The following ELAVL4 variants were observed in gnomAD, a reference collection of about 807,000 sequenced individuals.
The protein encoded by ELAVL4 is ELAV like RNA binding protein 4, also known as ELAV-like protein 4.
A neutral mutation model predicts 35.6 loss-of-function variants in ELAVL4; 1 was observed. The ratio of observed to expected loss-of-function variants is 0.03; its 90% CI spans 0.01 to 0.13. ELAVL4 has a LOEUF of 0.13. ELAVL4 is among the 10% of genes least tolerant of loss of function. ELAVL4 has a pLI of 1.00. For missense variants in ELAVL4, 267 were observed against 464.9 expected (o/e 0.57, Z 3.91); for synonymous variants, 156 against 171.0 (o/e 0.91, Z 0.69).
At chr1:50,096,457 T>C (rs1304959726) in intron 1 of ELAVL4, among the ~76,000 whole-genome samples, 1 of 150,120 alleles carries the variant, frequency 6.7e-6, no homozygotes, top group Non-Finnish European at 1.5e-5. Context: ...GATGGTCATA[T>C]CTAGAGCTGT....
intron 2 of ELAVL4, among the ~76,000 whole-genome samples, chr1:50,161,349 G>A (rs1179307592): frequency 2.6e-5 from 4 of 151,866 alleles, no homozygotes; most frequent in African/African-American, 7.3e-5. Context: ...ATGTTGCTTC[G>A]ATTAAGAATC....
At chr1:50,053,525 T>G (rs1471940303) in intron 1 of ELAVL4, among the ~76,000 whole-genome samples, 1 of 152,128 alleles carries the variant, frequency 6.6e-6, no homozygotes, top group Non-Finnish European at 1.5e-5. Flanking sequence ...ATTTTTGCAT[T>G]TTTTTGTAGA....
At position 50,201,808 on chromosome 1, in the gene ELAVL4, G is replaced by A. The variant is rs1486174583; in HGVS notation, c.*630G>A. On this transcript the variant is annotated 3_prime_UTR_variant, in exon 7 of 7. Coordinates refer to ENST00000371824, the MANE Select transcript of ELAVL4 (RefSeq NM_001144774.3). This position sits in a 1 kb window ranked among gnomAD's most constrained non-coding sequence, Gnocchi z 4.3. ...TGAACTAAAACAGTCTTCTGTTAGGGGATGGGGGCAAGGGGGATACCTGAT... is the reference window on the plus strand; with the variant it reads ...TGAACTAAAACAGTCTTCTGTTAGGAGATGGGGGCAAGGGGGATACCTGAT... 6.6e-6 allele frequency: 1 copy of A among 151,778 alleles called. No individual in the cohort carries two copies. The highest frequency in any genetic ancestry group is 2.4e-5 in the African/African-American group (1 of 41,356). 9.4% of individuals were successfully genotyped at this position (151,778 alleles called of 1,614,324 possible). A position where few individuals can be genotyped will look rare whatever the true frequency, so the allele number is the denominator to read the frequency against.
upstream of ELAVL4, among the ~76,000 whole-genome samples, chr1:50,107,693 C>T (rs1287074730): frequency 6.6e-6 from 1 of 151,998 alleles, no homozygotes; most frequent in Non-Finnish European, 1.5e-5. Context: ...TATGTGTTAC[C>T]ACTGTGTATT....
intron 1 of ELAVL4, among the ~76,000 whole-genome samples, chr1:50,110,622 G>A (rs562437719): frequency 1.3e-5 from 2 of 152,118 alleles, no homozygotes; most frequent in Non-Finnish European, 2.9e-5. Flanking sequence ...CTTTGACTTT[G>A]AATTTTCACC....
intron 3 of ELAVL4, among the ~76,000 whole-genome samples, chr1:50,186,635 T>C (rs1417705661): frequency 6.6e-6 from 1 of 152,036 alleles, no homozygotes; most frequent in African/African-American, 2.4e-5. Flanking sequence ...GACATAGAAA[T>C]AGAAATTTTC....
intron 1 of ELAVL4, among the ~76,000 whole-genome samples, chr1:50,115,752 T>A (rs544225432): frequency 3.7e-4 from 57 of 152,298 alleles, no homozygotes; most frequent in African/African-American, 1.3e-3. Context: ...TTGCCAACAG[T>A]GTTCATAATA....
chr1:50,145,465 A>T (rs895260431), intron 2 of ELAVL4, among the ~76,000 whole-genome samples: 1 of 152,134 alleles, frequency 6.6e-6, no homozygotes, highest in Non-Finnish European at 1.5e-5. Context: ...TTAATCAGCC[A>T]TTCCTTCCCT....
At chr1:50,166,001 G>A (rs956537549) in intron 2 of ELAVL4, among the ~76,000 whole-genome samples, 8 of 152,022 alleles carry the variant, frequency 5.3e-5, no homozygotes, top group Admixed American at 3.3e-4. Flanking sequence ...GGAGAAAGAT[G>A]TAGGCTGGGA....
intron 1 of ELAVL4, among the ~76,000 whole-genome samples, chr1:50,116,515 T>C (rs1316560167): frequency 6.6e-6 from 1 of 152,028 alleles, no homozygotes; most frequent in Admixed American, 6.6e-5. Flanking sequence ...ACTCTGTGTT[T>C]TCCTAAGCTG....
At chr1:50,187,833 C>T (rs755026859) in intron 3 of ELAVL4, among the ~76,000 whole-genome samples, 3 of 152,038 alleles carry the variant, frequency 2.0e-5, no homozygotes, top group Non-Finnish European at 4.4e-5. Context: ...TGGTGGCTCT[C>T]ATCTGTAATC....
At chr1:50,176,516 G>C (rs1396241385) in intron 2 of ELAVL4, among the ~76,000 whole-genome samples, 1 of 152,138 alleles carries the variant, frequency 6.6e-6, no homozygotes, top group East Asian at 1.9e-4. Context: ...AATTTTACAG[G>C]CCTGAGCAGA....
upstream of ELAVL4, among the ~76,000 whole-genome samples, chr1:50,104,732 T>C (rs1666173281): frequency 6.6e-6 from 1 of 152,252 alleles, no homozygotes; most frequent in Non-Finnish European, 1.5e-5. Context: ...TTATAAGTAA[T>C]AAGATCCTCC....
intron 1 of ELAVL4, among the ~76,000 whole-genome samples, chr1:50,069,429 A>G (rs1349910513): frequency 6.6e-6 from 1 of 152,198 alleles, no homozygotes; most frequent in Non-Finnish European, 1.5e-5. Context: ...TTTTTAAACC[A>G]GAAGCTCCAT....
chr1:50,158,438 T>C (rs912069162), intron 2 of ELAVL4, among the ~76,000 whole-genome samples: 1 of 152,186 alleles, frequency 6.6e-6, no homozygotes, highest in Non-Finnish European at 1.5e-5. Flanking sequence ...CATGTGTGTA[T>C]GTGTGTACCT....
intron 1 of ELAVL4, among the ~76,000 whole-genome samples, chr1:50,129,132 T>G (rs1670441578): frequency 6.6e-6 from 1 of 152,048 alleles, no homozygotes; most frequent in Non-Finnish European, 1.5e-5. Flanking sequence ...AAGTGAGGGT[T>G]TTGTAAGGGC....
At chr1:50,193,984 G>C (rs1278185837) in intron 4 of ELAVL4, 66 bp downstream of exon 4, 7 of 1,571,324 alleles carry the variant, frequency 4.5e-6, no homozygotes. Context: ...ACTCATAAGA[G>C]CAGAAGGCTG....
chr1:50,195,846 A>G (rs1308069712), intron 5 of ELAVL4, 60 bp downstream of exon 5: 3 of 1,593,510 alleles, frequency 1.9e-6, no homozygotes, highest in Non-Finnish European at 2.6e-6. Flanking sequence ...GGCAAGAGCC[A>G]GGGAAGCCCA....
At chr1:50,064,259 A>G (rs1434820216) in intron 1 of ELAVL4, among the ~76,000 whole-genome samples, 2 of 152,152 alleles carry the variant, frequency 1.3e-5, no homozygotes, top group African/African-American at 4.8e-5. Context: ...TCTGGAAGTG[A>G]AACTGGTTGA....
Sources: gnomAD v4.1 joint callset for allele counts (sites outside exome capture counted in the v4.1 genomes callset) on GRCh38, gnomAD v4.1.1 for gene constraint, Gnocchi (gnomAD v3.1) non-coding constraint, MANE v1.5 for transcripts, NCBI Gene and HGNC (gene_info 2026-07-23, HGNC 2026-07-21) for gene names.